The following RUSC2 variants were observed in gnomAD, a reference collection of about 807,000 sequenced individuals.
The protein encoded by RUSC2 is AP-4 complex accessory subunit RUSC2.
Under a neutral mutation model 122.2 loss-of-function variants are expected in RUSC2, and 34 were observed. The observed-to-expected ratio is 0.28, with a 90% CI of 0.21 to 0.37. The LOEUF (loss-of-function observed/expected upper bound fraction) is 0.37, where lower values mean the gene tolerates loss of function less well. RUSC2 is among the 10% of genes least tolerant of loss of function. The probability of loss-of-function intolerance (pLI) is 1.00; values close to 1 mark genes in which losing one functional copy is unlikely to be tolerated. For missense variants in RUSC2, 1,747 were observed against 1,952.4 expected (o/e 0.89, Z 1.98); for synonymous variants, 784 against 790.0 (o/e 0.99, Z 0.13).
chr9:35,559,345 G>A (rs1175133635), intron 9 of RUSC2, 73 bp downstream of exon 9: 2 of 1,294,824 alleles, frequency 1.5e-6, no homozygotes, highest in East Asian at 2.3e-5. Flanking sequence ...AGGAAGAGCT[G>A]TCTTTTCATT....
rs765951420 is a variant in RUSC2, at chr9:35,556,382, G to A, written c.2917G>A (p.Ala973Thr). 9 of 1,614,212 alleles carry A rather than the reference G, an allele frequency of 5.6e-6. No homozygotes were observed. The highest frequency in any genetic ancestry group is 7.6e-6 in the Non-Finnish European group (9 of 1,180,026). The change falls in exon 5 of 12, where the codon GCT becomes ACT. Residue 973 changes from alanine to threonine, a missense_variant. By Grantham distance (58) the Ala-to-Thr change is moderately conservative (BLOSUM62 0). Coordinates refer to ENST00000361226, the MANE Select transcript of RUSC2 (RefSeq NM_014806.5). ...CTTTTCCTTGACGGAGAAGCCTCCA[G>A]CTGAGTTTTGTCTGTCCCCAGATGG... ...DPFSLTEKPP[A>T]EFCLSPDGSS...
At chr9:35,508,437 T>C in intron 1 of RUSC2, among the ~76,000 whole-genome samples, 1 of 152,222 alleles carries the variant, frequency 6.6e-6, no homozygotes. Context: ...TGCTCTGACC[T>C]AAGGATGGCA....
intron 1 of RUSC2, among the ~76,000 whole-genome samples, chr9:35,544,666 T>C (rs1444992763): frequency 6.6e-6 from 1 of 152,140 alleles, no homozygotes; most frequent in Non-Finnish European, 1.5e-5. Flanking sequence ...TAGAAGTCTT[T>C]TATCAGGTAT....
Position 35,557,605 on chromosome 9 carries a change from C to CA in RUSC2, c.2984-308dup, listed in dbSNP as rs758637287. Among the ~76,000 whole-genome samples the CA allele has an allele frequency of 8.5e-5, 13 of 152,108 alleles. No individual in the cohort carries two copies. The highest frequency in any genetic ancestry group is 6.5e-5 in the Admixed American group (1 of 15,286). ...TCTTCAGGTCAGTGGCCCGGTTTCT[C>CA]AGAGTGGAGAAAACCGATAGTTGGC... On this transcript the variant is annotated intron_variant, in intron 5 of 11. Transcript: ENST00000361226. This position sits in a 1 kb window ranked among gnomAD's most constrained non-coding sequence, Gnocchi z 4.6.
In RUSC2 at chr9:35,519,850, T is replaced by C. The variant is rs190959154; in HGVS notation, c.-92-26580T>C. On this transcript the variant is annotated intron_variant, in intron 1 of 11. Coordinates refer to ENST00000361226, the MANE Select transcript of RUSC2 (RefSeq NM_014806.5). ...AGGGAAAATATGACAGTTTTACAAA[T>C]GAGGAAGCTGAAGTTTTAGTGAGGT... is the stretch of plus-strand genomic sequence containing the variant. Among the ~76,000 whole-genome samples, 375 of 152,234 alleles carry C rather than the reference T, an allele frequency of 2.5e-3. 7 individuals are homozygous for C. Among genetic ancestry groups the C allele is most frequent in the East Asian group, 9.6e-4 (5 of 5,182 alleles).
intron 2 of RUSC2, among the ~76,000 whole-genome samples, chr9:35,551,898 G>GA (rs1172294243): frequency 2.0e-5 from 3 of 150,448 alleles, no homozygotes; most frequent in Non-Finnish European, 4.4e-5. Flanking sequence ...TGTGTCTACA[G>GA]AAAAAAAAAT....
chr9:35,559,508 G>A (rs368692354), intron 9 of RUSC2, among the ~76,000 whole-genome samples: 2 of 152,272 alleles, frequency 1.3e-5, no homozygotes, highest in South Asian at 2.1e-4. Context: ...GCCGAGGCAC[G>A]TGGGTCACCT....
In RUSC2 at chr9:35,546,939, A is replaced by G; in HGVS notation, c.418A>G (p.Asn140Asp). The G allele has an allele frequency of 6.4e-7, 1 of 1,573,452 alleles. No homozygotes were observed. The highest frequency in any genetic ancestry group is 2.2e-5 in the East Asian group (1 of 44,564). ...SFHLHGTGQP[N>D]FHLSSFQLPP... is the part of the protein sequence containing the mutation. ...CCACCTGCATGGCACTGGCCAGCCC[A>G]ACTTTCATCTATCCTCTTTCCAGCT... The change falls in exon 2 of 12, where the codon AAC (asparagine) becomes GAC (aspartate). Residue 140 changes from asparagine to aspartate, a missense_variant. Physicochemically the swap from Asn to Asp is conservative, Grantham distance 23. Transcript: ENST00000361226. The surrounding 1 kb of genome is among the most constrained non-coding windows in gnomAD (Gnocchi z 4.3).
At chr9:35,512,710 CTGTTT>C (rs1821030946) in intron 1 of RUSC2, among the ~76,000 whole-genome samples, 2 of 151,994 alleles carry the variant, frequency 1.3e-5, no homozygotes, top group South Asian at 2.1e-4. Flanking sequence ...ACTTTGTTTT[CTGTTT>C]TGTTTTGTTT....
chr9:35,547,755 C>A lies in RUSC2; in HGVS notation c.1234C>A (p.Pro412Thr). 3.7e-6 allele frequency: 6 copies of A among 1,614,170 alleles called. No individual in the cohort carries two copies. The highest frequency in any genetic ancestry group is 5.1e-6 in the Non-Finnish European group (6 of 1,180,050). ...CCTATCTTCCCAATCATCCCCAAGC[C>A]CTGCTGGCTCTTCCATCACTAGCTG... The part of the protein sequence containing the change: ...CDLSSQSSPS[P>T]AGSSITSCSE... Residue 412 changes from proline (P) to threonine (T), a missense_variant, in exon 2 of 12, where the codon CCT (proline) becomes ACT (threonine). Coordinates refer to ENST00000361226, the MANE Select transcript of RUSC2 (RefSeq NM_014806.5). This position sits in a 1 kb window ranked among gnomAD's most constrained non-coding sequence, Gnocchi z 4.6.
chr9:35,561,045 A>G lies in RUSC2; in HGVS notation c.4297A>G (p.Lys1433Glu). 6.2e-7 allele frequency: 1 copy of G among 1,614,164 alleles called. No individual in the cohort carries two copies. Among genetic ancestry groups the G allele is most frequent in the Non-Finnish European group, 8.5e-7 (1 of 1,180,006 alleles). The stretch of plus-strand genomic sequence containing the variant: ...GGGTTCCCGCCGGGAGCCAGAGCCC[A>G]AGGAGAGCCTGCAGGAGCCACACTC... ...TVGSRREPEP[K>E]ESLQEPHSPA... The change falls in exon 11 of 12, where the codon AAG becomes GAG. Residue 1433 changes from lysine to glutamate, a missense_variant. Physicochemically the swap from Lys to Glu is moderately conservative, Grantham distance 56. Transcript: ENST00000361226.
At chr9:35,534,535 G>A (rs539091452) in intron 1 of RUSC2, among the ~76,000 whole-genome samples, 1 of 152,252 alleles carries the variant, frequency 6.6e-6, no homozygotes, top group African/African-American at 2.4e-5. Flanking sequence ...AGGCTGGAGT[G>A]CAGGGGTGCG....
rs537845017 is a variant in RUSC2 at position 35,520,302 on chromosome 9, G to T, written c.-92-26128G>T. Among the ~76,000 whole-genome samples, 10 of 152,236 alleles carry T rather than the reference G, an allele frequency of 6.6e-5. No individual in the cohort carries two copies. The South Asian group carries it at 2.1e-3, about 32-fold the overall frequency. ...AGAGAACATGGCCAGATTGGAACCT[G>T]GTTCCCCAGGGGAACAAGGCTTTGA... On this transcript the variant is annotated intron_variant, in intron 1 of 11. Coordinates refer to ENST00000361226, the MANE Select transcript of RUSC2 (RefSeq NM_014806.5).
At chr9:35,549,497 A>G (rs1456811517) in intron 2 of RUSC2, among the ~76,000 whole-genome samples, 2 of 152,246 alleles carry the variant, frequency 1.3e-5, no homozygotes, top group Non-Finnish European at 2.9e-5. Context: ...ACAGAAACAG[A>G]AAACGTAGTT....
At position 35,561,420 on chromosome 9, in the gene RUSC2, A is replaced by C; in HGVS notation, c.*38A>C. 6.5e-7 allele frequency: 1 copy of C among 1,531,298 alleles called. No homozygotes were observed. The highest frequency in any genetic ancestry group is 8.9e-7 in the Non-Finnish European group (1 of 1,128,616). The allele number at this position is 1,531,298 out of a possible 1,614,324, so 94.9% of individuals were successfully genotyped here. On this transcript the variant is annotated 3_prime_UTR_variant, in exon 12 of 12. Transcript: ENST00000361226. ...GCTGGTGGCCTCAGGGACCCTCATA[A>C]CCCCCAGACTCAGAGCCCGAGAGCC...
chr9:35,496,475 G>A (rs1820716047), intron 1 of RUSC2, among the ~76,000 whole-genome samples: 1 of 152,158 alleles, frequency 6.6e-6, no homozygotes, highest in African/African-American at 2.4e-5. Flanking sequence ...GCTCTATCAA[G>A]CTTGCACTTG....
intron 1 of RUSC2, among the ~76,000 whole-genome samples, chr9:35,502,724 CTA>C (rs1203608162): frequency 6.6e-6 from 1 of 152,070 alleles, no homozygotes; most frequent in Admixed American, 6.5e-5. Flanking sequence ...TATAAGAAAT[CTA>C]TGTTTGAATG....
intron 9 of RUSC2, 82 bp downstream of exon 9, chr9:35,559,354 T>C (rs11788907): frequency 1.7e-5 from 21 of 1,214,604 alleles, no homozygotes; most frequent in Non-Finnish European, 2.6e-5. Context: ...TGTCTTTTCA[T>C]TGCTGGAGGT....
At chr9:35,559,509 T>C (rs901702751) in intron 9 of RUSC2, among the ~76,000 whole-genome samples, 2 of 152,070 alleles carry the variant, frequency 1.3e-5, no homozygotes, top group Non-Finnish European at 2.9e-5. Flanking sequence ...CCGAGGCACG[T>C]GGGTCACCTG....
Sources: allele counts gnomAD v4.1 joint callset (sites outside exome capture counted in the v4.1 genomes callset), GRCh38; gene constraint gnomAD v4.1.1; non-coding constraint Gnocchi (gnomAD v3.1); transcripts MANE v1.5; gene names NCBI Gene and HGNC (gene_info 2026-07-23, HGNC 2026-07-21).